Variants in RARB observed in about 807,000 individuals in gnomAD.
RARB encodes HBV-activated protein.
In RARB, 17 loss-of-function variants were observed where a neutral mutation model predicts 51.9. That is an observed-to-expected ratio of 0.33 (90% CI 0.22 to 0.49). The LOEUF is 0.49. RARB is among the 20% of genes least tolerant of loss of function. The probability of loss-of-function intolerance (pLI) is 0.99; values close to 1 mark genes in which losing one functional copy is unlikely to be tolerated. For synonymous variants in RARB, 215 were observed against 195.4 expected (o/e 1.10, Z -0.84); for missense variants, 369 against 550.8 (o/e 0.67, Z 3.30).
chr3:25,533,871 C>G lies in RARB; in HGVS notation c.448+32548C>G, dbSNP rs569633402. On this transcript the variant is annotated intron_variant, in intron 3 of 7. Coordinates refer to ENST00000330688, the MANE Select transcript of RARB (RefSeq NM_000965.5). Reference sequence around the variant, plus strand: ...AGAGTAAATGCCTTACTTCCTAACACTTCAATGCTTTGAATAAATCTTTAA... The same window carrying G: ...AGAGTAAATGCCTTACTTCCTAACAGTTCAATGCTTTGAATAAATCTTTAA... Among the ~76,000 whole-genome samples, 27 of 152,354 alleles carry G rather than the reference C, an allele frequency of 1.8e-4. No individual in the cohort carries two copies. In the South Asian group the frequency reaches 5.6e-3, roughly 32 times the overall value.
intron 2 of RARB, among the ~76,000 whole-genome samples, chr3:25,039,272 C>T (rs912171250): frequency 3.9e-5 from 6 of 152,134 alleles, no homozygotes; most frequent in African/African-American, 1.4e-4. Flanking sequence ...GCTGTAGTAG[C>T]AGAAAACGAT....
chr3:25,467,843 C>T (rs539146875), intron 2 of RARB, among the ~76,000 whole-genome samples: 13 of 152,288 alleles, frequency 8.5e-5, no homozygotes, highest in East Asian at 1.9e-4. Flanking sequence ...GGCCCTATGC[C>T]GGGTGCTAGA....
At chr3:25,501,900 G>T (rs759685696) in intron 3 of RARB, among the ~76,000 whole-genome samples, 2 of 152,096 alleles carry the variant, frequency 1.3e-5, no homozygotes, top group Admixed American at 6.5e-5. Flanking sequence ...TTAAAAATTG[G>T]CTACTGGTCC....
rs148810574 is a variant in RARB, at chr3:25,113,629, G to C, written c.-327-18532G>C. ...CAAATCCTGATAATCACCACTGAGT[G>C]CTAGCTTCAGGTCCCCAGAACCTTC... On this transcript the variant is annotated intron_variant, in intron 3 of 11. Transcript: ENST00000383772. Among the ~76,000 whole-genome samples, 29 of 152,252 alleles carry C rather than the reference G, an allele frequency of 1.9e-4. No individual in the cohort carries two copies. The East Asian group carries it at 5.6e-3, about 29-fold the overall frequency.
intron 2 of RARB, among the ~76,000 whole-genome samples, chr3:25,047,536 G>A (rs189815180): frequency 1.1e-4 from 17 of 152,288 alleles, no homozygotes; most frequent in African/African-American, 1.7e-4. Context: ...CAAGGAACAC[G>A]GTGTTGCATA....
chr3:25,420,368 A>G (rs951670562), intron 5 of RARB, among the ~76,000 whole-genome samples: 1 of 152,180 alleles, frequency 6.6e-6, no homozygotes, highest in East Asian at 1.9e-4. Flanking sequence ...GCTTTCCCTC[A>G]GAGTCAGAAA....
chr3:25,282,925 C>T (rs1367671440), intron 5 of RARB, among the ~76,000 whole-genome samples: 1 of 152,150 alleles, frequency 6.6e-6, no homozygotes, highest in African/African-American at 2.4e-5. Context: ...TTCAACTCCT[C>T]CAAATAGAAG....
intron 4 of RARB, among the ~76,000 whole-genome samples, chr3:25,151,075 C>G (rs1415789936): frequency 3.9e-5 from 6 of 152,204 alleles, no homozygotes; most frequent in Admixed American, 3.9e-4. Flanking sequence ...GCCTGGAAAA[C>G]TCATTTTGTG....
intron 4 of RARB, among the ~76,000 whole-genome samples, chr3:25,132,822 C>T (rs2125333736): frequency 6.6e-6 from 1 of 151,914 alleles, no homozygotes; most frequent in South Asian, 2.1e-4. Context: ...ATCAAAACAT[C>T]ATATTGTACC....
intron 1 of RARB, among the ~76,000 whole-genome samples, chr3:25,442,192 G>T (rs2125530345): frequency 6.6e-6 from 1 of 151,836 alleles, no homozygotes; most frequent in Admixed American, 6.6e-5. Context: ...CTGGAGTGCA[G>T]TGGTGCTATC....
chr3:25,528,167 A>G (rs1461548929), intron 3 of RARB, among the ~76,000 whole-genome samples: 1 of 152,218 alleles, frequency 6.6e-6, no homozygotes, highest in African/African-American at 2.4e-5. Flanking sequence ...GAGTGTTTGG[A>G]GAAAGAGCCT....
intron 4 of RARB, among the ~76,000 whole-genome samples, chr3:25,158,125 T>C (rs1014589999): frequency 2.0e-5 from 3 of 152,238 alleles, no homozygotes; most frequent in African/African-American, 7.2e-5. Flanking sequence ...GAAACATTAC[T>C]GCTCACGTAT....
chr3:25,328,129 G>A (rs1575315560), intron 5 of RARB, among the ~76,000 whole-genome samples: 1 of 152,196 alleles, frequency 6.6e-6, no homozygotes, highest in East Asian at 1.9e-4. Context: ...GTCCCATAAA[G>A]AATATCAATA....
chr3:24,998,276 T>G (rs1308490220), intron 2 of RARB, among the ~76,000 whole-genome samples: 1 of 123,614 alleles, frequency 8.1e-6, no homozygotes, highest in East Asian at 2.8e-4. Flanking sequence ...ACTTGTAGTT[T>G]GTTTTTTTTT....
chr3:24,877,367 A>T (rs1703067921), intron 2 of RARB, among the ~76,000 whole-genome samples: 2 of 12,538 alleles, frequency 1.6e-4, no homozygotes, highest in Admixed American at 9.5e-4. Context: ...TTTTTTTGGA[A>T]AATTCACATC....
intron 1 of RARB, among the ~76,000 whole-genome samples, chr3:24,836,969 G>A (rs753209752): frequency 7.2e-5 from 11 of 152,188 alleles, no homozygotes; most frequent in Non-Finnish European, 7.3e-5. Flanking sequence ...CAATAAACAG[G>A]AAGGCAAATT....
intron 2 of RARB, among the ~76,000 whole-genome samples, chr3:25,032,171 C>T (rs963865493): frequency 4.6e-5 from 7 of 152,118 alleles, no homozygotes; most frequent in African/African-American, 1.7e-4. Flanking sequence ...CTATAGTAGC[C>T]AGTGTTGGTG....
intron 3 of RARB, among the ~76,000 whole-genome samples, chr3:25,066,559 T>A (rs1156378568): frequency 1.3e-5 from 2 of 151,860 alleles, no homozygotes; most frequent in African/African-American, 4.8e-5. Flanking sequence ...ACTCTCCTGA[T>A]TCTGTGTGTA....
At chr3:25,153,154 G>A (rs1700319287) in intron 4 of RARB, among the ~76,000 whole-genome samples, 1 of 151,998 alleles carries the variant, frequency 6.6e-6, no homozygotes, top group Non-Finnish European at 1.5e-5. Flanking sequence ...GTGTGTGTGT[G>A]TGTGTGCATG....
Sources: gnomAD v4.1 joint callset for allele counts (sites outside exome capture counted in the v4.1 genomes callset) on GRCh38, gnomAD v4.1.1 for gene constraint, MANE v1.5 for transcripts, NCBI Gene and HGNC (gene_info 2026-07-23, HGNC 2026-07-21) for gene names.